The following DAAM1 variants were observed in gnomAD, a reference collection of about 807,000 sequenced individuals.
DAAM1 encodes the protein disheveled-associated activator of morphogenesis 1.
DAAM1 carries 52 observed loss-of-function variants against 130.0 expected under a neutral mutation model. The observed-to-expected ratio is 0.40, with a 90% CI of 0.32 to 0.50. The LOEUF (loss-of-function observed/expected upper bound fraction) is 0.50, where lower values mean the gene tolerates loss of function less well. Among genes scored for constraint, DAAM1 ranks in the 20% least tolerant of loss-of-function variants. The pLI, the probability that DAAM1 is intolerant of heterozygous loss-of-function variation, is 0.61. For synonymous variants in DAAM1, 452 were observed against 444.5 expected (o/e 1.02, Z -0.21); for missense variants, 1,134 against 1,303.8 (o/e 0.87, Z 2.01).
chr14:59,352,904 G>A (rs1433633001), intron 18 of DAAM1, among the ~76,000 whole-genome samples: 1 of 151,048 alleles, frequency 6.6e-6, no homozygotes, highest in Non-Finnish European at 1.5e-5. Context: ...CTTGATTCCA[G>A]TCAGTATCAT....
Position 59,287,135 on chromosome 14 carries a change from G to A in DAAM1, c.184-4082G>A, listed in dbSNP as rs1325864540. Among the ~76,000 whole-genome samples, 5 of 152,120 alleles carry A rather than the reference G, an allele frequency of 3.3e-5. No individual in the cohort carries two copies. In the East Asian group the frequency reaches 9.6e-4, roughly 29 times the overall value. On this transcript the variant is annotated intron_variant, in intron 2 of 24. Coordinates refer to ENST00000360909, the MANE Select transcript of DAAM1 (RefSeq NM_001270520.2). Reference sequence around the variant, plus strand: ...GATATGCAAAGTTGGTTTAACATATGCCAATCAATAAACGTGATTCACCAC... The same window carrying A: ...GATATGCAAAGTTGGTTTAACATATACCAATCAATAAACGTGATTCACCAC...
At chr14:59,255,030 G>T (rs1471022638) in intron 1 of DAAM1, among the ~76,000 whole-genome samples, 1 of 152,230 alleles carries the variant, frequency 6.6e-6, no homozygotes, top group African/African-American at 2.4e-5. Context: ...CCCTGCCTAT[G>T]CTGAGGCAGA....
chr14:59,345,867 A>G (rs1886058661), intron 16 of DAAM1, among the ~76,000 whole-genome samples: 1 of 152,184 alleles, frequency 6.6e-6, no homozygotes, highest in Non-Finnish European at 1.5e-5. Context: ...CACAGAGAGG[A>G]AACACTGGTG....
At position 59,295,459 on chromosome 14, in the gene DAAM1, G is replaced by T. The variant is rs189698736; in HGVS notation, c.273+4153G>T. ...TTTCATTTATTCCTTAATTTGGTTT[G>T]TATACCCTGATTGGATCAATTCCTG... On this transcript the variant is annotated intron_variant, in intron 3 of 24. Transcript: ENST00000360909. Among the ~76,000 whole-genome samples, 6 of 152,294 alleles carry T rather than the reference G, an allele frequency of 3.9e-5. No homozygotes were observed. In the East Asian group the frequency reaches 1.2e-3, roughly 29 times the overall value.
intron 1 of DAAM1, among the ~76,000 whole-genome samples, chr14:59,243,713 A>C (rs535661175): frequency 6.6e-6 from 1 of 152,224 alleles, no homozygotes; most frequent in Non-Finnish European, 1.5e-5. Context: ...TTCTCTCAGC[A>C]ATCACTGGTC....
At chr14:59,197,333 T>C (rs1276857230) in intron 1 of DAAM1, among the ~76,000 whole-genome samples, 1 of 152,238 alleles carries the variant, frequency 6.6e-6, no homozygotes, top group Non-Finnish European at 1.5e-5. Flanking sequence ...ATCCTGTTTG[T>C]GTGGCAGTCA....
intron 1 of DAAM1, among the ~76,000 whole-genome samples, chr14:59,214,477 A>G (rs756392231): frequency 2.0e-4 from 30 of 152,198 alleles, no homozygotes; most frequent in Non-Finnish European, 3.2e-4. Flanking sequence ...AATAGTTTCA[A>G]CTTCGTTTCT....
chr14:59,336,109 A>G (rs931055043), intron 15 of DAAM1, among the ~76,000 whole-genome samples: 3 of 151,910 alleles, frequency 2.0e-5, no homozygotes, highest in Non-Finnish European at 4.4e-5. Flanking sequence ...TTATATAAAT[A>G]TAGTGTTTGA....
intron 2 of DAAM1, among the ~76,000 whole-genome samples, chr14:59,282,346 A>G (rs1324678275): frequency 1.1e-4 from 16 of 152,156 alleles, no homozygotes; most frequent in Admixed American, 1.0e-3. Context: ...CTGGAATTTA[A>G]TAGATAGATA....
At chr14:59,362,370 A>AAT (rs971120091) in intron 22 of DAAM1, 20 of 152,190 alleles carry the variant, frequency 1.3e-4, no homozygotes, top group African/African-American at 4.8e-4. Context: ...CGCCTGGCCA[A>AAT]ATATATATGT....
intron 3 of DAAM1, 21 bp from the exon 4 acceptor site, chr14:59,315,259 C>T: frequency 6.2e-7 from 1 of 1,613,146 alleles, no homozygotes; most frequent in Non-Finnish European, 8.5e-7. Context: ...TGGTATGTCA[C>T]TTTTTTTCCC....
At chr14:59,213,692 C>G (rs1056567463) in intron 1 of DAAM1, among the ~76,000 whole-genome samples, 2 of 152,218 alleles carry the variant, frequency 1.3e-5, no homozygotes, top group Non-Finnish European at 2.9e-5. Flanking sequence ...AAATGCTTGT[C>G]TTGCCTATGT....
At chr14:59,310,353 G>A (rs1463740805) in intron 3 of DAAM1, among the ~76,000 whole-genome samples, 3 of 151,736 alleles carry the variant, frequency 2.0e-5, no homozygotes, top group Non-Finnish European at 2.9e-5. Context: ...GGCTGGTATC[G>A]AACTCCCAGC....
chr14:59,323,072 A>C lies in DAAM1; in HGVS notation c.621A>C (p.Val207=), dbSNP rs1885078201. The C allele has an allele frequency of 6.2e-7, 1 of 1,613,856 alleles. No individual in the cohort carries two copies. The highest frequency in any genetic ancestry group is 1.3e-5 in the African/African-American group (1 of 74,906). ...TGGCTCATTCTGAGAGTATTAATGT[A>C]ATTGCTCAGAGTCTGAGCACAGAGA... ...HVLAHSESIN[V]IAQSLSTENI... is the part of the protein sequence containing the mutation. Residue 207 remains valine, a synonymous_variant, in exon 6 of 25, where the codon GTA becomes GTC. Coordinates refer to ENST00000360909, the MANE Select transcript of DAAM1 (RefSeq NM_001270520.2).
At chr14:59,227,749 A>G (rs1042821642) in intron 1 of DAAM1, among the ~76,000 whole-genome samples, 8 of 152,060 alleles carry the variant, frequency 5.3e-5, no homozygotes, top group African/African-American at 1.9e-4. Context: ...GAGGGTAGGG[A>G]TAGGTTGTGT....
At chr14:59,269,940 T>A (rs762306805) in intron 2 of DAAM1, among the ~76,000 whole-genome samples, 2 of 152,138 alleles carry the variant, frequency 1.3e-5, no homozygotes, top group Non-Finnish European at 2.9e-5. Flanking sequence ...GGGAAAGGTA[T>A]GTTTGGGATG....
chr14:59,324,306 G>C (rs538708109), intron 7 of DAAM1, 45 bp from the exon 8 acceptor site: 1 of 1,476,692 alleles, frequency 6.8e-7, no homozygotes. Context: ...TTATTATGTA[G>C]TCTAAAAACC....
chr14:59,277,300 G>A (rs1883013226), intron 2 of DAAM1, among the ~76,000 whole-genome samples: 1 of 151,918 alleles, frequency 6.6e-6, no homozygotes, highest in Non-Finnish European at 1.5e-5. Context: ...ATTGTTTTCT[G>A]ATTTATGTAG....
At chr14:59,252,020 AAGCTCTAATTAAC>A (rs1462797422) in intron 1 of DAAM1, among the ~76,000 whole-genome samples, 2 of 152,208 alleles carry the variant, frequency 1.3e-5, no homozygotes, top group African/African-American at 4.8e-5. Flanking sequence ...GGAGAGACTC[AAGCTCTAATTAAC>A]AGCTTGCCAC....
Sources: allele counts gnomAD v4.1 joint callset (sites outside exome capture counted in the v4.1 genomes callset), GRCh38; gene constraint gnomAD v4.1.1; transcripts MANE v1.5; gene names NCBI Gene and HGNC (gene_info 2026-07-23, HGNC 2026-07-21).